BBC3: variants seen among roughly 807,000 people sequenced by gnomAD.
The protein encoded by BBC3 is BCL2 binding component 3, also known as bcl-2-binding component 3.
BBC3 carries 5 observed loss-of-function variants against 18.2 expected under a neutral mutation model. That is an observed-to-expected ratio of 0.27 (90% CI 0.14 to 0.58). The LOEUF (loss-of-function observed/expected upper bound fraction) is 0.58, where lower values mean the gene tolerates loss of function less well. Among genes scored for constraint, BBC3 ranks in the 20% least tolerant of loss-of-function variants. BBC3 has a pLI of 0.91. For missense variants in BBC3, 224 were observed against 268.9 expected (o/e 0.83, Z 1.17); for synonymous variants, 119 against 128.0 (o/e 0.93, Z 0.47).
intron 3 of BBC3, among the ~76,000 whole-genome samples, chr19:47,226,104 G>T (rs1036448012): frequency 1.3e-5 from 2 of 151,936 alleles, no homozygotes; most frequent in African/African-American, 4.8e-5. Flanking sequence ...CCCGCGGGGC[G>T]GGGCTGCGAG....
chr19:47,229,897 A>G lies in BBC3; in HGVS notation c.-16+1032T>C, dbSNP rs2058888515. On this transcript the variant is annotated intron_variant, in intron 1 of 3. Transcript: ENST00000439096. ...GACATTTGCATTTAGCAGGCGCAGC[A>G]TCACAAACGCTGGGCAAAAGACACA... is the stretch of plus-strand genomic sequence containing the variant. Among the ~76,000 whole-genome samples, 3 of 152,270 alleles carry G rather than the reference A, an allele frequency of 2.0e-5. No individual in the cohort carries two copies. In the South Asian group the frequency reaches 6.2e-4, roughly 32 times the overall value.
rs1200690403 is a variant in BBC3 at position 47,230,265 on chromosome 19, C to A, written c.-16+664G>T. Among the ~76,000 whole-genome samples the A allele has an allele frequency of 6.6e-6, 1 of 152,092 alleles. No individual in the cohort carries two copies. The highest frequency in any genetic ancestry group is 1.5e-5 in the Non-Finnish European group (1 of 68,008). ...ACCCCAACATTCCTCTGGATCGACA[C>A]CACCACTCCCTGCAGAACCCAGCAC... On this transcript the variant is annotated intron_variant, in intron 1 of 3. Transcript: ENST00000439096. This position sits in a 1 kb window ranked among gnomAD's most constrained non-coding sequence, Gnocchi z 6.7.
Position 47,228,220 on chromosome 19 carries a change from G to C in BBC3, c.212C>G (p.Ala71Gly). ...CCCAGGCCAGCGGGAACCCCCCAGG[G>C]CGGCGGTGACGGCGGGTGGGGCGGT... ...APTAPPAVTA[A>G]LGGSRWPGGP... The change falls in exon 2 of 4, where the codon GCC becomes GGC. Residue 71 changes from alanine to glycine, a missense_variant. Physicochemically the swap from Ala to Gly is moderately conservative, Grantham distance 60. Coordinates refer to ENST00000439096, the MANE Select transcript of BBC3 (RefSeq NM_014417.5). This position sits in a 1 kb window ranked among gnomAD's most constrained non-coding sequence, Gnocchi z 5.5. 1.2e-5 allele frequency: 15 copies of C among 1,222,938 alleles called. No individual in the cohort carries two copies. Among genetic ancestry groups the C allele is most frequent in the Non-Finnish European group, 1.4e-5 (14 of 982,276 alleles). The allele number at this position is 1,222,938 out of a possible 1,614,324, so 75.8% of individuals were successfully genotyped here.
chr19:47,223,208 T>C (rs2123360023), intron 3 of BBC3, among the ~76,000 whole-genome samples: 1 of 151,840 alleles, frequency 6.6e-6, no homozygotes, highest in East Asian at 1.9e-4. Context: ...TAGGTGGAGC[T>C]TGCAGTGAGC....
rs2058741821 is a variant in BBC3 at position 47,220,910 on chromosome 19, T to G, written c.*892A>C. 6.6e-6 allele frequency: 1 copy of G among 152,168 alleles called. No homozygotes were observed. The highest frequency in any genetic ancestry group is 6.5e-5 in the Admixed American group (1 of 15,276). The allele number at this position is 152,168 out of a possible 1,614,324, so 9.4% of individuals were successfully genotyped here. On this transcript the variant is annotated 3_prime_UTR_variant, in exon 4 of 4. Coordinates refer to ENST00000439096, the MANE Select transcript of BBC3 (RefSeq NM_014417.5). ...AACCAAACATGTACAGAAAATTCAT[T>G]CCGGTATCTACAGCAGCGCATATAC...
At chr19:47,232,539 T>C (rs151238388), upstream of BBC3, 337 of 1,548,730 alleles carry the variant, frequency 2.2e-4, no homozygotes, top group Non-Finnish European at 2.8e-4. Context: ...GGGACCCACG[T>C]CGTGGAAGCA....
In BBC3 at chr19:47,220,887, C is replaced by T. The variant is rs1434904263; in HGVS notation, c.*915G>A. The T allele has an allele frequency of 1.3e-5, 2 of 152,182 alleles. No individual in the cohort carries two copies. The highest frequency in any genetic ancestry group is 2.9e-5 in the Non-Finnish European group (2 of 68,044). 9.4% of individuals were successfully genotyped at this position (152,182 alleles called of 1,614,324 possible). A position where few individuals can be genotyped will look rare whatever the true frequency, so the allele number is the denominator to read the frequency against. On this transcript the variant is annotated 3_prime_UTR_variant, in exon 4 of 4. Coordinates refer to ENST00000439096, the MANE Select transcript of BBC3 (RefSeq NM_014417.5). ...AAAAATCATGTACAAAAAAAATTAA[C>T]CAAACATGTACAGAAAATTCATTCC... is the stretch of plus-strand genomic sequence containing the variant.
chr19:47,226,820 G>T, intron 2 of BBC3, 66 bp from the exon 3 acceptor site: 1 of 1,292,632 alleles, frequency 7.7e-7, no homozygotes, highest in Non-Finnish European at 1.0e-6. Flanking sequence ...GTCTCGGCCT[G>T]CTCCCCTCTT....
chr19:47,224,381 G>A (rs1223643355), intron 3 of BBC3, among the ~76,000 whole-genome samples: 1 of 152,138 alleles, frequency 6.6e-6, no homozygotes, highest in Non-Finnish European at 1.5e-5. Context: ...CCAGCAATTT[G>A]GGAGGCCAAG....
At chr19:47,225,403 G>C (rs897824828) in intron 3 of BBC3, among the ~76,000 whole-genome samples, 1 of 151,744 alleles carries the variant, frequency 6.6e-6, no homozygotes, top group Non-Finnish European at 1.5e-5. Flanking sequence ...TGTCCCCCAG[G>C]CTGGAGTTCA....
chr19:47,229,059 G>T (rs568590706), intron 1 of BBC3, among the ~76,000 whole-genome samples: 1 of 152,030 alleles, frequency 6.6e-6, no homozygotes, highest in South Asian at 2.1e-4. Flanking sequence ...TCTACATACT[G>T]CGCACACTGG....
Position 47,228,415 on chromosome 19 carries a change from T to G in BBC3, c.17A>C (p.Gln6Pro). MARAR[Q>P]EGSSPEPVEG... ...TACGGGCTCCGGGGAGCTGCCCTCC[T>G]GGCGTGCGCGGGCCATGGCGCTCCC... Residue 6 changes from glutamine to proline, a missense_variant, in exon 2 of 4, where the codon CAG becomes CCG. Transcript: ENST00000439096. The surrounding 1 kb of genome is among the most constrained non-coding windows in gnomAD (Gnocchi z 5.5). The G allele has an allele frequency of 8.1e-7, 1 of 1,231,506 alleles. No homozygotes were observed. The highest frequency in any genetic ancestry group is 1.0e-6 in the Non-Finnish European group (1 of 987,806). The allele number at this position is 1,231,506 out of a possible 1,614,324, so 76.3% of individuals were successfully genotyped here.
At chr19:47,223,076 C>G (rs1038744545) in intron 3 of BBC3, among the ~76,000 whole-genome samples, 1 of 150,814 alleles carries the variant, frequency 6.6e-6, no homozygotes, top group African/African-American at 2.4e-5. Context: ...CGAGATCATC[C>G]TGGCTAACAC....
At chr19:47,222,056 C>G in intron 3 of BBC3, 138 bp from the exon 4 acceptor site, 1 of 742,780 alleles carries the variant, frequency 1.3e-6, no homozygotes, top group East Asian at 3.0e-5. Flanking sequence ...GGGCTAATGT[C>G]CATGTCTCGG....
At chr19:47,229,857 C>A (rs1164635867) in intron 1 of BBC3, among the ~76,000 whole-genome samples, 2 of 152,082 alleles carry the variant, frequency 1.3e-5, no homozygotes, top group Non-Finnish European at 2.9e-5. Flanking sequence ...CACACAGACA[C>A]CTGGACAGAA....
intron 1 of BBC3, among the ~76,000 whole-genome samples, chr19:47,229,803 C>T (rs1161239389): frequency 6.6e-6 from 1 of 151,916 alleles, no homozygotes; most frequent in African/African-American, 2.4e-5. Context: ...AAACAACCCC[C>T]CACCACACAC....
In BBC3 at chr19:47,230,434, C is replaced by G. The variant is rs2058896921; in HGVS notation, c.-16+495G>C. Among the ~76,000 whole-genome samples the G allele has an allele frequency of 1.3e-5, 2 of 151,644 alleles. No individual in the cohort carries two copies. The highest frequency in any genetic ancestry group is 4.8e-5 in the African/African-American group (2 of 41,336). On this transcript the variant is annotated intron_variant, in intron 1 of 3. Coordinates refer to ENST00000439096, the MANE Select transcript of BBC3 (RefSeq NM_014417.5). This position sits in a 1 kb window ranked among gnomAD's most constrained non-coding sequence, Gnocchi z 6.7. ...ACCGCCGCCACGTGCGCCCGCCCCG[C>G]CCGCCAGGCGAGCGCGGGGCCAATA...
chr19:47,226,495 G>T, intron 3 of BBC3, 69 bp downstream of exon 3: 1 of 1,447,662 alleles, frequency 6.9e-7, no homozygotes. Flanking sequence ...CACATCTGGC[G>T]GGGGCCGCCT....
Position 47,228,457 on chromosome 19 carries a change from C to G in BBC3, c.-15-11G>C, listed in dbSNP as rs969329709. On this transcript the variant is annotated splice_polypyrimidine_tract_variant and intron_variant, in intron 1 of 3. Coordinates refer to ENST00000439096, the MANE Select transcript of BBC3 (RefSeq NM_014417.5). This position sits in a 1 kb window ranked among gnomAD's most constrained non-coding sequence, Gnocchi z 5.5. Reference sequence around the variant, plus strand: ...GGCGCTCCCTGGGGCCTGCGGGACACGGGAGGAGGAGCAGGTCAGCAGGGA... The same window carrying G: ...GGCGCTCCCTGGGGCCTGCGGGACAGGGGAGGAGGAGCAGGTCAGCAGGGA... The G allele has an allele frequency of 8.1e-7, 1 of 1,231,724 alleles. No individual in the cohort carries two copies. Among genetic ancestry groups the G allele is most frequent in the South Asian group, 4.1e-5 (1 of 24,350 alleles). 76.3% of individuals were successfully genotyped at this position (1,231,724 alleles called of 1,614,324 possible). A position where few individuals can be genotyped will look rare whatever the true frequency, so the allele number is the denominator to read the frequency against.
Sources: allele counts gnomAD v4.1 joint callset (sites outside exome capture counted in the v4.1 genomes callset), GRCh38; gene constraint gnomAD v4.1.1; non-coding constraint Gnocchi (gnomAD v3.1); transcripts MANE v1.5; gene names NCBI Gene and HGNC (gene_info 2026-07-23, HGNC 2026-07-21).